Variants in SEMA5A observed in about 807,000 individuals in gnomAD.
The protein encoded by SEMA5A is semaphorin 5A.
A neutral mutation model predicts 135.5 loss-of-function variants in SEMA5A; 55 were observed. The ratio of observed to expected loss-of-function variants is 0.41; its 90% confidence interval spans 0.33 to 0.51. The LOEUF is 0.51. Among genes scored for constraint, SEMA5A ranks in the 20% least tolerant of loss-of-function variants. The pLI is 0.37. For synonymous variants in SEMA5A, 580 were observed against 546.5 expected, an observed-to-expected ratio of 1.06 and a Z score of -0.85; for missense variants, 1,290 against 1,419.9, an observed-to-expected ratio of 0.91 and a Z score of 1.47.
rs1327605480 is a variant in SEMA5A, at chr5:9,353,079, GA to G, written c.125-15268del. Among the ~76,000 whole-genome samples, 66 of 25,740 alleles carry G rather than the reference GA, an allele frequency of 2.6e-3. 1 individual carries two copies. Among genetic ancestry groups the G allele is most frequent in the African/African-American group, 4.1e-3 (39 of 9,606 alleles). The allele number at this position is 25,740 out of a possible 152,430, so 16.9% of individuals were successfully genotyped here. On this transcript the variant is annotated intron_variant, in intron 3 of 22. Transcript: ENST00000382496. ...GGAAAGGAAGGAAAGGAAAGGAAAG[GA>G]AAGGAAAGGAAAGGAAGGAAGGAAA...
intron 1 of SEMA5A, among the ~76,000 whole-genome samples, chr5:9,464,226 T>C (rs1759170400): frequency 6.6e-6 from 1 of 152,202 alleles, no homozygotes; most frequent in Admixed American, 6.5e-5. Flanking sequence ...ATCCATTTAA[T>C]AGTATAACTT....
chr5:9,520,140 C>T (rs926130061), intron 1 of SEMA5A, among the ~76,000 whole-genome samples: 1 of 152,208 alleles, frequency 6.6e-6, no homozygotes, highest in East Asian at 1.9e-4. Context: ...ATTGTAACCT[C>T]AGAGGTACAG....
At chr5:9,359,154 C>G (rs904673583) in intron 3 of SEMA5A, among the ~76,000 whole-genome samples, 1 of 152,162 alleles carries the variant, frequency 6.6e-6, no homozygotes, top group African/African-American at 2.4e-5. Context: ...GCTCCTCCCC[C>G]CACCAGCTAG....
At chr5:9,392,167 C>A (rs1297938810) in intron 2 of SEMA5A, among the ~76,000 whole-genome samples, 1 of 152,178 alleles carries the variant, frequency 6.6e-6, no homozygotes, top group African/African-American at 2.4e-5. Context: ...CCTGGCCAGG[C>A]AGGCTAAAGT....
chr5:9,405,630 C>T (rs983693740), intron 2 of SEMA5A, among the ~76,000 whole-genome samples: 1 of 148,760 alleles, frequency 6.7e-6, no homozygotes, highest in Non-Finnish European at 1.5e-5. Context: ...TACTCACAGC[C>T]CCCTGTCTCT....
chr5:9,524,629 C>T lies in SEMA5A; in HGVS notation c.-175+20955G>A, dbSNP rs963901793. Among the ~76,000 whole-genome samples the T allele has an allele frequency of 3.9e-5, 6 of 152,046 alleles. No individual in the cohort carries two copies. The South Asian group carries it at 6.2e-4, about 16-fold the overall frequency. ...AATAACTTCTCTTGCTTTAAGCCAC[C>T]GAGTGTGTGCTGATTTGTTATAGTA... is the stretch of plus-strand genomic sequence containing the variant. On this transcript the variant is annotated intron_variant, in intron 1 of 22. Transcript: ENST00000382496.
Position 9,496,624 on chromosome 5 carries a change from G to T in SEMA5A, c.-175+48960C>A, listed in dbSNP as rs528504149. On this transcript the variant is annotated intron_variant, in intron 1 of 22. Coordinates refer to ENST00000382496, the MANE Select transcript of SEMA5A (RefSeq NM_003966.3). The stretch of plus-strand genomic sequence containing the variant: ...AAAATATGTCTAATTCAACCCAGCT[G>T]GGATGTGGCAGGGTCAAAATTTGAA... 2.0e-5 allele frequency among the ~76,000 whole-genome samples: 3 copies of T among 152,160 alleles called. No individual in the cohort carries two copies. In the South Asian group the frequency reaches 6.2e-4, roughly 32 times the overall value.
chr5:9,147,337 G>A (rs1301642766), intron 12 of SEMA5A, among the ~76,000 whole-genome samples: 2 of 151,718 alleles, frequency 1.3e-5, no homozygotes, highest in East Asian at 1.9e-4. Context: ...TGTCACCCAG[G>A]CTGGAGTGTA....
chr5:9,341,365 C>G (rs1753645901), intron 3 of SEMA5A, among the ~76,000 whole-genome samples: 1 of 151,936 alleles, frequency 6.6e-6, no homozygotes, highest in Non-Finnish European at 1.5e-5. Flanking sequence ...GTCATCAATA[C>G]TGCTTTCTAA....
At position 9,154,671 on chromosome 5, in the gene SEMA5A, C is replaced by A. The variant is rs138343991; in HGVS notation, c.1298G>T (p.Arg433Leu). 3 of 1,613,990 alleles carry A rather than the reference C, an allele frequency of 1.9e-6. No homozygotes were observed. Among genetic ancestry groups the A allele is most frequent in the Non-Finnish European group, 2.5e-6 (3 of 1,179,998 alleles). ...ATDYGTIKKVRVPLNQTSSSC... is the reference protein window; with the variant it reads ...ATDYGTIKKVLVPLNQTSSSC... ...GCTTGAGGTCTGATTCAGGGGTACC[C>A]GCACTTTCTTAATGGTTCCGTAATC... The change falls in exon 12 of 23, where the codon CGG becomes CTG. Residue 433 changes from arginine (R) to leucine (L), a missense_variant. Arg to Leu is a moderately radical substitution (Grantham distance 102). Transcript: ENST00000382496.
chr5:9,332,176 A>T (rs1057028286), intron 4 of SEMA5A, among the ~76,000 whole-genome samples: 1 of 151,528 alleles, frequency 6.6e-6, no homozygotes, highest in Admixed American at 6.6e-5. Flanking sequence ...TGGTGCTTAC[A>T]TCATGTCAGA....
At chr5:9,262,759 G>C (rs1402838581) in intron 5 of SEMA5A, among the ~76,000 whole-genome samples, 59 of 101,972 alleles carry the variant, frequency 5.8e-4, no homozygotes, top group Non-Finnish European at 8.7e-4. Context: ...GGTCGGGGGA[G>C]GGGGGAGGGA....
intron 8 of SEMA5A, among the ~76,000 whole-genome samples, chr5:9,203,127 A>G (rs1169277298): frequency 6.6e-6 from 1 of 152,266 alleles, no homozygotes; most frequent in East Asian, 1.9e-4. Flanking sequence ...TAATAGAGAT[A>G]GTACATTTTG....
At chr5:9,525,786 T>C (rs1393672348) in intron 1 of SEMA5A, among the ~76,000 whole-genome samples, 1 of 152,198 alleles carries the variant, frequency 6.6e-6, no homozygotes, top group African/African-American at 2.4e-5. Context: ...GACTGAGAAA[T>C]TGTATCTTTT....
At chr5:9,414,677 C>G (rs1452619208) in intron 2 of SEMA5A, among the ~76,000 whole-genome samples, 1 of 152,196 alleles carries the variant, frequency 6.6e-6, no homozygotes, top group Non-Finnish European at 1.5e-5. Context: ...AAGAAAATAT[C>G]AACCATAGGT....
At chr5:9,108,435 A>C in intron 15 of SEMA5A, 148 bp from the exon 16 acceptor site, 1 of 829,356 alleles carries the variant, frequency 1.2e-6, no homozygotes, top group Non-Finnish European at 1.9e-6. Context: ...GTTGCACCAT[A>C]CAGAAGGCAG....
At chr5:9,100,703 C>A (rs1245160386) in intron 16 of SEMA5A, among the ~76,000 whole-genome samples, 1 of 151,980 alleles carries the variant, frequency 6.6e-6, no homozygotes, top group African/African-American at 2.4e-5. Context: ...AGCTATGATG[C>A]CAGAATTTTC....
At position 9,044,382 on chromosome 5, in the gene SEMA5A, C is replaced by T; in HGVS notation, c.3096G>A (p.Glu1032=). ...INKLDKYDSV[E]AIKAFNKNNL... ...ATTAAAATTCACTTACCTTGATGGC[C>T]TCCACCGAGTCGTACTTGTCCAGTT... Residue 1032 remains glutamate (E), a synonymous_variant, in exon 22 of 23, where the codon GAG becomes GAA. Transcript: ENST00000382496. The T allele has an allele frequency of 6.2e-7, 1 of 1,613,018 alleles. No individual in the cohort carries two copies. The highest frequency in any genetic ancestry group is 8.5e-7 in the Non-Finnish European group (1 of 1,179,684).
At chr5:9,123,247 A>G (rs1379259602) in intron 13 of SEMA5A, among the ~76,000 whole-genome samples, 1 of 118,916 alleles carries the variant, frequency 8.4e-6, no homozygotes, top group East Asian at 2.8e-4. Context: ...GGAAGGAGCG[A>G]GACTCCGCCT....
Sources: gnomAD v4.1 joint callset for allele counts (sites outside exome capture counted in the v4.1 genomes callset) on GRCh38, gnomAD v4.1.1 for gene constraint, MANE v1.5 for transcripts, NCBI Gene and HGNC (gene_info 2026-07-23, HGNC 2026-07-21) for gene names.